ATP11B: variants seen among roughly 807,000 people sequenced by gnomAD.
The protein encoded by ATP11B is phospholipid-transporting ATPase IF.
A neutral mutation model predicts 157.8 loss-of-function variants in ATP11B; 81 were observed. That is an observed-to-expected ratio of 0.51 (90% CI 0.43 to 0.62). ATP11B has a LOEUF of 0.62. Among genes scored for constraint, ATP11B ranks in the 20% least tolerant of loss-of-function variants. ATP11B has a pLI of 0.00. For missense variants in ATP11B, 1,165 were observed against 1,402.2 expected, an observed-to-expected ratio of 0.83 and a Z score of 2.70; for synonymous variants, 451 against 469.4, an observed-to-expected ratio of 0.96 and a Z score of 0.51.
chr3:182,868,975 T>C, intron 15 of ATP11B, 103 bp from the exon 16 acceptor site: 1 of 672,966 alleles, frequency 1.5e-6, no homozygotes, highest in Non-Finnish European at 2.5e-6. Flanking sequence ...ATTCTTGTTC[T>C]CAATTAGCCA....
chr3:182,855,694 A>G (rs584074), intron 10 of ATP11B, among the ~76,000 whole-genome samples: 78,742 of 151,942 alleles, frequency 0.52, 23,249 homozygotes, highest in Non-Finnish European at 0.67. Flanking sequence ...CAGTGATCCA[A>G]TTAGAAAATG....
intron 10 of ATP11B, among the ~76,000 whole-genome samples, chr3:182,852,367 A>G (rs1720046631): frequency 6.6e-6 from 1 of 152,196 alleles, no homozygotes; most frequent in African/African-American, 2.4e-5. Flanking sequence ...AAAAACTAAA[A>G]AATTACGAAT....
rs901326591 is a variant in ATP11B at position 182,872,550 on chromosome 3, T to A, written c.2048+13T>A. 9.6e-6 allele frequency: 15 copies of A among 1,562,442 alleles called. No individual in the cohort carries two copies. The highest frequency in any genetic ancestry group is 1.3e-5 in the Non-Finnish European group (15 of 1,157,580). The stretch of plus-strand genomic sequence containing the variant: ...CAGTAGAAGACAGGTAAGTATCAGA[T>A]AATTAAAAAATATTACTTTTCTCTC... On this transcript the variant is annotated intron_variant, in intron 18 of 29. Transcript: ENST00000323116.
rs151096944 is a variant in ATP11B at position 182,839,604 on chromosome 3, A to ATTTTATTTTAT, written c.656+2433_656+2434insTATTTTATTTT. Among the ~76,000 whole-genome samples, 42 of 149,120 alleles carry ATTTTATTTTAT rather than the reference A, an allele frequency of 2.8e-4. No homozygotes were observed. In the East Asian group the frequency reaches 4.1e-3, roughly 15 times the overall value. ...TCTTTTTCTTTTCCATTTTTTAAAT[A>ATTTTATTTTAT]TTTATTTTATTTTATTTATTTTTGA... On this transcript the variant is annotated intron_variant, in intron 7 of 29. Coordinates refer to ENST00000323116, the MANE Select transcript of ATP11B (RefSeq NM_014616.3).
Position 182,918,347 on chromosome 3 carries a change from C to G in ATP11B, c.*243C>G. 1 of 480,122 alleles carries G rather than the reference C, an allele frequency of 2.1e-6. No homozygotes were observed. The highest frequency in any genetic ancestry group is 3.5e-6 in the Non-Finnish European group (1 of 288,282). The allele number at this position is 480,122 out of a possible 1,614,324, so 29.7% of individuals were successfully genotyped here. On this transcript the variant is annotated 3_prime_UTR_variant, in exon 30 of 30. Coordinates refer to ENST00000323116, the MANE Select transcript of ATP11B (RefSeq NM_014616.3). ...AAAGAGACATTTTTCATCTCTTTGT[C>G]TGGTTTGTCCCTTGTGCTTATGGGA...
At chr3:182,879,782 A>T (rs924831009) in intron 20 of ATP11B, 133 bp downstream of exon 20, 2 of 741,826 alleles carry the variant, frequency 2.7e-6, no homozygotes, top group Non-Finnish European at 4.0e-6. Context: ...GTCACATCTC[A>T]TGTTGTAAAT....
chr3:182,804,869 C>T (rs754587879), intron 1 of ATP11B, among the ~76,000 whole-genome samples: 5 of 152,172 alleles, frequency 3.3e-5, no homozygotes, highest in East Asian at 3.8e-4. Context: ...TAAATGTCAT[C>T]GTACCATATA....
At chr3:182,882,698 G>A (rs1722511444) in intron 21 of ATP11B, among the ~76,000 whole-genome samples, 1 of 152,080 alleles carries the variant, frequency 6.6e-6, no homozygotes, top group Non-Finnish European at 1.5e-5. Context: ...GTTAATTATA[G>A]GGAAAAGATC....
At chr3:182,893,739 T>A (rs1032661864) in intron 25 of ATP11B, among the ~76,000 whole-genome samples, 2 of 152,258 alleles carry the variant, frequency 1.3e-5, no homozygotes, top group Non-Finnish European at 2.9e-5. Flanking sequence ...ATGGTAGTCC[T>A]ACTTTCAGTT....
In ATP11B at chr3:182,793,755, G is replaced by A; in HGVS notation, c.-5G>A. On this transcript the variant is annotated 5_prime_UTR_variant, in exon 1 of 30. Transcript: ENST00000323116. ...CCGCGGGACCCGGACGGCGACGACG[G>A]GGGAATGTGGCGCTGGATCCGGCAG... The A allele has an allele frequency of 7.1e-7, 1 of 1,411,398 alleles. No homozygotes were observed. The allele number at this position is 1,411,398 out of a possible 1,614,324, so 87.4% of individuals were successfully genotyped here.
At chr3:182,901,340 C>CAAAAAAA (rs1226647966) in intron 28 of ATP11B, among the ~76,000 whole-genome samples, 1 of 49,250 alleles carries the variant, frequency 2.0e-5, no homozygotes. Flanking sequence ...CTCCGTCTCA[C>CAAAAAAA]AAAAAAAAAA....
chr3:182,897,654 A>G (rs915341016), intron 27 of ATP11B, among the ~76,000 whole-genome samples: 1 of 151,952 alleles, frequency 6.6e-6, no homozygotes, highest in Non-Finnish European at 1.5e-5. Flanking sequence ...TTTTCTGTGT[A>G]GAAACTGAGC....
chr3:182,838,787 A>T (rs570879979), intron 7 of ATP11B, among the ~76,000 whole-genome samples: 12 of 144,272 alleles, frequency 8.3e-5, no homozygotes, highest in South Asian at 4.3e-4. Flanking sequence ...GCTATATATT[A>T]TATATATATA....
At chr3:182,872,682 C>T (rs1239726140) in intron 18 of ATP11B, 145 bp downstream of exon 18, 1 of 734,794 alleles carries the variant, frequency 1.4e-6, no homozygotes, top group Non-Finnish European at 2.1e-6. Context: ...CTTAATTTTT[C>T]CCGGTCAGTA....
chr3:182,847,213 G>T (rs1483636408), intron 9 of ATP11B, among the ~76,000 whole-genome samples: 3 of 151,974 alleles, frequency 2.0e-5, no homozygotes, highest in Non-Finnish European at 1.5e-5. Flanking sequence ...ACCATGCCCG[G>T]CTAATTTTTG....
intron 8 of ATP11B, among the ~76,000 whole-genome samples, chr3:182,845,006 ATTTTTTT>A: frequency 7.9e-6 from 1 of 125,842 alleles, no homozygotes; most frequent in East Asian, 2.4e-4. Flanking sequence ...TTTTTTTTTT[ATTTTTTT>A]TTATTTTTGA....
chr3:182,857,581 GA>G (rs1720505632), intron 10 of ATP11B, among the ~76,000 whole-genome samples: 1 of 149,376 alleles, frequency 6.7e-6, no homozygotes, highest in South Asian at 2.1e-4. Flanking sequence ...AAAAAACTTA[GA>G]ATAATTACTT....
intron 5 of ATP11B, 64 bp from the exon 6 acceptor site, chr3:182,836,278 C>G: frequency 5.0e-6 from 8 of 1,597,540 alleles, no homozygotes; most frequent in Non-Finnish European, 6.8e-6. Flanking sequence ...CTTTAGAGCC[C>G]AATAAAAGTA....
At chr3:182,860,683 T>C (rs1484163340) in intron 12 of ATP11B, among the ~76,000 whole-genome samples, 2 of 152,204 alleles carry the variant, frequency 1.3e-5, no homozygotes, top group Non-Finnish European at 2.9e-5. Context: ...TTTCAGTTTT[T>C]ATTTATTTGT....
Sources: allele counts gnomAD v4.1 joint callset (sites outside exome capture counted in the v4.1 genomes callset), GRCh38; gene constraint gnomAD v4.1.1; transcripts MANE v1.5; gene names NCBI Gene and HGNC (gene_info 2026-07-23, HGNC 2026-07-21).